RBFOX1: variants seen among roughly 807,000 people sequenced by gnomAD.
RBFOX1 encodes the protein RNA binding fox-1 homolog 1.
RBFOX1 carries 8 observed loss-of-function variants against 57.7 expected under a neutral mutation model. The observed-to-expected ratio is 0.14, with a 90% CI of 0.08 to 0.25. The LOEUF (loss-of-function observed/expected upper bound fraction) is 0.25. RBFOX1 is among the 10% of genes least tolerant of loss of function. RBFOX1 has a pLI of 1.00. For synonymous variants in RBFOX1, 326 were observed against 222.4 expected (o/e 1.47, Z -4.15); for missense variants, 611 against 548.5 (o/e 1.11, Z -1.14).
At chr16:5,846,711 C>A (rs555547186) in intron 3 of RBFOX1, among the ~76,000 whole-genome samples, 7 of 152,156 alleles carry the variant, frequency 4.6e-5, no homozygotes, top group Non-Finnish European at 8.8e-5. Context: ...AAGGGCTGAG[C>A]GCCATTGCTC....
chr16:6,141,558 G>A (rs1330259689), intron 1 of RBFOX1, among the ~76,000 whole-genome samples: 2 of 151,944 alleles, frequency 1.3e-5, no homozygotes, highest in East Asian at 1.9e-4. Context: ...CATCATTTTT[G>A]TGACTTCCTG....
chr16:7,709,679 A>C, intron 15 of RBFOX1: 1 of 1,425,020 alleles, frequency 7.0e-7, no homozygotes, highest in Non-Finnish European at 9.2e-7. Context: ...AGTACATAAG[A>C]AAGTAGAAGG....
chr16:5,899,493 C>G (rs934336600), intron 4 of RBFOX1, among the ~76,000 whole-genome samples: 10 of 152,278 alleles, frequency 6.6e-5, no homozygotes, highest in African/African-American at 2.4e-4. Flanking sequence ...AAGCTGAATT[C>G]TCTGCTTGAC....
intron 4 of RBFOX1, among the ~76,000 whole-genome samples, chr16:7,205,513 A>AG (rs1386667668): frequency 6.8e-6 from 1 of 146,342 alleles, no homozygotes; most frequent in African/African-American, 2.7e-5. Flanking sequence ...ACTCTGTCTC[A>AG]GGAAAAAAAA....
intron 2 of RBFOX1, among the ~76,000 whole-genome samples, chr16:6,651,523 C>G (rs548765186): frequency 6.6e-6 from 1 of 152,300 alleles, no homozygotes; most frequent in East Asian, 1.9e-4. Context: ...CAGATCATGC[C>G]TGTCCTCTCT....
At chr16:5,250,859 C>T (rs2062433036) in intron 1 of RBFOX1, among the ~76,000 whole-genome samples, 1 of 152,194 alleles carries the variant, frequency 6.6e-6, no homozygotes, top group South Asian at 2.1e-4. Flanking sequence ...ACTTGGTGCT[C>T]TGTGCCTGCA....
chr16:6,523,319 A>G (rs921562520), intron 2 of RBFOX1, among the ~76,000 whole-genome samples: 3 of 152,164 alleles, frequency 2.0e-5, no homozygotes, highest in African/African-American at 7.2e-5. Flanking sequence ...TAAAGCTACT[A>G]GCCATTTGGA....
At chr16:6,468,208 C>T (rs951557666) in intron 2 of RBFOX1, among the ~76,000 whole-genome samples, 1 of 152,098 alleles carries the variant, frequency 6.6e-6, no homozygotes, top group Non-Finnish European at 1.5e-5. Flanking sequence ...CATTGGAGAG[C>T]TATTTGGCCT....
intron 4 of RBFOX1, among the ~76,000 whole-genome samples, chr16:7,399,872 C>G (rs2098211603): frequency 6.6e-6 from 1 of 152,140 alleles, no homozygotes; most frequent in Non-Finnish European, 1.5e-5. Context: ...GTGAACTATC[C>G]TTGCATGGAG....
chr16:6,565,745 G>A (rs1333176839), intron 2 of RBFOX1, among the ~76,000 whole-genome samples: 1 of 152,228 alleles, frequency 6.6e-6, no homozygotes, highest in African/African-American at 2.4e-5. Flanking sequence ...TGGGATTACA[G>A]GTGTGAGTCA....
intron 1 of RBFOX1, among the ~76,000 whole-genome samples, chr16:5,278,260 C>T (rs4561466): frequency 0.86 from 130,378 of 152,260 alleles, 56,053 homozygotes; most frequent in African/African-American, 0.93. Flanking sequence ...TGATTAGTGA[C>T]GTTGAATATT....
intron 2 of RBFOX1, among the ~76,000 whole-genome samples, chr16:6,408,579 A>G (rs2093361060): frequency 6.6e-6 from 1 of 152,120 alleles, no homozygotes; most frequent in Admixed American, 6.5e-5. Flanking sequence ...AGTTTGAATG[A>G]GCTTATTAGA....
chr16:6,048,482 C>A (rs1156298186), intron 1 of RBFOX1, among the ~76,000 whole-genome samples: 1 of 152,170 alleles, frequency 6.6e-6, no homozygotes, highest in Admixed American at 6.5e-5. Flanking sequence ...AATGGACACC[C>A]ATTTCTGGAT....
At chr16:6,763,985 G>A (rs1417289400) in intron 3 of RBFOX1, among the ~76,000 whole-genome samples, 1 of 152,184 alleles carries the variant, frequency 6.6e-6, no homozygotes, top group African/African-American at 2.4e-5. Context: ...CTTTACAGTG[G>A]CCATCAGGGA....
chr16:5,355,371 C>T (rs2065361931), intron 1 of RBFOX1, among the ~76,000 whole-genome samples: 1 of 152,158 alleles, frequency 6.6e-6, no homozygotes, highest in Admixed American at 6.5e-5. Context: ...TCCTGGAGGA[C>T]ACGTGTATGT....
intron 2 of RBFOX1, among the ~76,000 whole-genome samples, chr16:6,590,164 C>G (rs925021461): frequency 1.3e-5 from 2 of 152,188 alleles, no homozygotes; most frequent in African/African-American, 4.8e-5. Flanking sequence ...TGGGGAACTT[C>G]TAAGTTCACA....
intron 1 of RBFOX1, among the ~76,000 whole-genome samples, chr16:6,264,075 C>G (rs186555695): frequency 6.6e-6 from 1 of 152,100 alleles, no homozygotes; most frequent in Admixed American, 6.6e-5. Flanking sequence ...ATTCGATAAC[C>G]TTACTTTCAT....
intron 3 of RBFOX1, among the ~76,000 whole-genome samples, chr16:6,881,523 C>T (rs2062929827): frequency 6.6e-6 from 1 of 152,152 alleles, no homozygotes; most frequent in African/African-American, 2.4e-5. Flanking sequence ...ACATCATCTT[C>T]CGTCTATGCA....
chr16:6,235,549 C>A (rs1017582770), intron 1 of RBFOX1, among the ~76,000 whole-genome samples: 3 of 103,048 alleles, frequency 2.9e-5, no homozygotes, highest in Admixed American at 1.2e-4. Context: ...TGTGTGTGTG[C>A]GTGTATGTAT....
Sources: gnomAD v4.1 joint callset for allele counts (sites outside exome capture counted in the v4.1 genomes callset) on GRCh38, gnomAD v4.1.1 for gene constraint, MANE v1.5 for transcripts, NCBI Gene and HGNC (gene_info 2026-07-23, HGNC 2026-07-21) for gene names.